Variants in GHR observed in about 807,000 individuals in gnomAD.
GHR encodes growth hormone receptor.
GHR carries 35 observed loss-of-function variants against 67.1 expected under a neutral mutation model. The ratio of observed to expected loss-of-function variants is 0.52; its 90% confidence interval spans 0.40 to 0.69. The LOEUF is 0.69. Ranked by LOEUF, GHR falls within the 30% of genes least tolerant of loss-of-function variation. The pLI, the probability that GHR is intolerant of heterozygous loss-of-function variation, is 0.00. For missense variants in GHR, 792 were observed against 764.6 expected (o/e 1.04, Z -0.42); for synonymous variants, 272 against 269.1 (o/e 1.01, Z -0.10).
At chr5:42,465,831 T>G in intron 1 of GHR, 2 of 768,388 alleles carry the variant, frequency 2.6e-6, no homozygotes, top group East Asian at 2.4e-5. Context: ...TGACCTTGAA[T>G]AGGTCGGTCA....
chr5:42,649,198 G>A (rs1754894709), intron 3 of GHR, among the ~76,000 whole-genome samples: 1 of 152,092 alleles, frequency 6.6e-6, no homozygotes, highest in South Asian at 2.1e-4. Context: ...TACTTTATAA[G>A]CTCGTATGAA....
At chr5:42,510,978 ACTC>A (rs1746990533) in intron 1 of GHR, among the ~76,000 whole-genome samples, 1 of 152,020 alleles carries the variant, frequency 6.6e-6, no homozygotes, top group Non-Finnish European at 1.5e-5. Flanking sequence ...TGCTATTCTT[ACTC>A]CTCTTGCCTA....
At chr5:42,564,297 AGT>A (rs1386234884) in intron 1 of GHR, among the ~76,000 whole-genome samples, 1 of 95,218 alleles carries the variant, frequency 1.1e-5, no homozygotes, top group Non-Finnish European at 2.3e-5. Context: ...AATCTCACAA[AGT>A]GTGAGATTTA....
intron 1 of GHR, among the ~76,000 whole-genome samples, chr5:42,485,109 C>CA (rs993400440): frequency 1.6e-4 from 24 of 152,196 alleles, no homozygotes; most frequent in Admixed American, 6.5e-5. Flanking sequence ...CCATTATTTT[C>CA]AGGCTGTTGA....
At chr5:42,649,493 A>G (rs1324940915) in intron 3 of GHR, among the ~76,000 whole-genome samples, 1 of 152,220 alleles carries the variant, frequency 6.6e-6, no homozygotes, top group Non-Finnish European at 1.5e-5. Context: ...ATTAATTATT[A>G]AAAGAGAAAA....
chr5:42,563,611 C>G (rs1424779124), intron 1 of GHR, among the ~76,000 whole-genome samples: 3 of 121,050 alleles, frequency 2.5e-5, no homozygotes, highest in Non-Finnish European at 4.8e-5. Context: ...GGCGACAGAG[C>G]GAGACTCCGT....
intron 2 of GHR, among the ~76,000 whole-genome samples, chr5:42,579,674 G>A (rs1391965390): frequency 1.3e-5 from 2 of 152,168 alleles, no homozygotes; most frequent in African/African-American, 4.8e-5. Context: ...AGAATTAAAG[G>A]CTGGTAGAGC....
chr5:42,520,410 T>G (rs1340145094), intron 1 of GHR, among the ~76,000 whole-genome samples: 1 of 152,126 alleles, frequency 6.6e-6, no homozygotes, highest in East Asian at 1.9e-4. Context: ...AGAGATCTCA[T>G]GGGGACAGGC....
intron 1 of GHR, among the ~76,000 whole-genome samples, chr5:42,456,436 T>C (rs1744264949): frequency 6.6e-6 from 1 of 152,234 alleles, no homozygotes; most frequent in African/African-American, 2.4e-5. Context: ...TGGGACTACG[T>C]CAGAAGTTCT....
chr5:42,471,952 C>A (rs550993017), intron 1 of GHR, among the ~76,000 whole-genome samples: 9 of 152,238 alleles, frequency 5.9e-5, no homozygotes, highest in African/African-American at 2.2e-4. Context: ...AGTGGGAACT[C>A]GTCATTCATT....
At chr5:42,514,168 C>G in intron 1 of GHR, 1 of 984,756 alleles carries the variant, frequency 1.0e-6, no homozygotes, top group African/African-American at 1.7e-5. Context: ...GCGCATCTTA[C>G]AAGTAATTTT....
At chr5:42,543,755 A>G (rs151223327) in intron 1 of GHR, among the ~76,000 whole-genome samples, 1 of 152,290 alleles carries the variant, frequency 6.6e-6, no homozygotes, top group Non-Finnish European at 1.5e-5. Context: ...ATTCGATTTT[A>G]TAAAATTATC....
At chr5:42,474,478 T>C (rs549563294) in intron 1 of GHR, among the ~76,000 whole-genome samples, 3 of 152,262 alleles carry the variant, frequency 2.0e-5, no homozygotes, top group South Asian at 4.1e-4. Flanking sequence ...ATTGGACTTC[T>C]ATAAGACACC....
At chr5:42,646,684 G>A (rs113349804) in intron 3 of GHR, among the ~76,000 whole-genome samples, 218 of 152,264 alleles carry the variant, frequency 1.4e-3, no homozygotes, top group African/African-American at 4.8e-3. Context: ...TCAGAGCCTA[G>A]ATAGAAAATA....
At chr5:42,612,162 C>A (rs1188392011) in intron 2 of GHR, among the ~76,000 whole-genome samples, 1 of 152,110 alleles carries the variant, frequency 6.6e-6, no homozygotes, top group Non-Finnish European at 1.5e-5. Context: ...CCACTCTCTG[C>A]AAATTTGGTC....
At chr5:42,626,489 A>T (rs865856478) in intron 2 of GHR, among the ~76,000 whole-genome samples, 3 of 152,204 alleles carry the variant, frequency 2.0e-5, no homozygotes, top group African/African-American at 7.2e-5. Context: ...TGAGTGCAGC[A>T]TCTTCATGTG....
intron 6 of GHR, among the ~76,000 whole-genome samples, chr5:42,710,587 T>C (rs545147227): frequency 1.3e-5 from 2 of 152,250 alleles, no homozygotes; most frequent in African/African-American, 4.8e-5. Context: ...TGACTTTTCT[T>C]TGCAGATTTT....
chr5:42,480,485 G>C (rs1408394435), intron 1 of GHR, among the ~76,000 whole-genome samples: 3 of 152,024 alleles, frequency 2.0e-5, no homozygotes, highest in Non-Finnish European at 4.4e-5. Flanking sequence ...TTGACATTGG[G>C]GTGTTAAAGT....
At chr5:42,481,447 T>C (rs908352229) in intron 1 of GHR, among the ~76,000 whole-genome samples, 18 of 152,334 alleles carry the variant, frequency 1.2e-4, no homozygotes, top group Admixed American at 1.0e-3. Context: ...CTTGCTAGAT[T>C]GGGGAAGTTC....
Sources: allele counts gnomAD v4.1 joint callset (sites outside exome capture counted in the v4.1 genomes callset), GRCh38; gene constraint gnomAD v4.1.1; transcripts MANE v1.5; gene names NCBI Gene and HGNC (gene_info 2026-07-23, HGNC 2026-07-21).